Variants in SYT16 observed in about 807,000 individuals in gnomAD.
SYT16 encodes the protein synaptotagmin-16.
Under a neutral mutation model 61.4 loss-of-function variants are expected in SYT16, and 42 were observed. The ratio of observed to expected loss-of-function variants is 0.68; its 90% confidence interval spans 0.53 to 0.89. The LOEUF (loss-of-function observed/expected upper bound fraction) is 0.89, where lower values mean the gene tolerates loss of function less well. SYT16 is among the 40% of genes least tolerant of loss of function. SYT16 has a pLI of 0.00. For synonymous variants in SYT16, 314 were observed against 302.3 expected, an observed-to-expected ratio of 1.04 and a Z score of -0.40; for missense variants, 804 against 807.3, an observed-to-expected ratio of 1.00 and a Z score of 0.05.
chr14:61,907,445 A>G (rs1316432115), intron 1 of SYT16, among the ~76,000 whole-genome samples: 1 of 152,210 alleles, frequency 6.6e-6, no homozygotes, highest in East Asian at 1.9e-4. Context: ...AGGTTTTGGC[A>G]TCAGGCATTT....
At chr14:61,934,482 A>T (rs1025592874) in intron 1 of SYT16, among the ~76,000 whole-genome samples, 2 of 152,238 alleles carry the variant, frequency 1.3e-5, no homozygotes, top group Non-Finnish European at 2.9e-5. Context: ...AGGCACTGTT[A>T]TGCAAAGGAA....
chr14:61,992,356 G>A (rs1343936080), intron 2 of SYT16, among the ~76,000 whole-genome samples: 1 of 152,112 alleles, frequency 6.6e-6, no homozygotes, highest in East Asian at 1.9e-4. Flanking sequence ...GAGTGGTAAG[G>A]AAAGGCTGAG....
At chr14:62,011,250 A>C (rs11158372) in intron 3 of SYT16, among the ~76,000 whole-genome samples, 1 of 151,880 alleles carries the variant, frequency 6.6e-6, no homozygotes, top group Non-Finnish European at 1.5e-5. Context: ...TTTGGGACCC[A>C]GTTTCTCCCC....
chr14:61,854,407 A>G (rs1212791723), intron 1 of SYT16, among the ~76,000 whole-genome samples: 1 of 152,238 alleles, frequency 6.6e-6, no homozygotes, highest in Non-Finnish European at 1.5e-5. Context: ...AACTTTACCT[A>G]GTTTTAATCA....
chr14:61,903,156 C>A (rs1319211101), intron 1 of SYT16, among the ~76,000 whole-genome samples: 1 of 152,116 alleles, frequency 6.6e-6, no homozygotes, highest in African/African-American at 2.4e-5. Flanking sequence ...GGATTAGGGG[C>A]CCATCTTACT....
chr14:61,972,040 C>G (rs1031861388), intron 2 of SYT16, among the ~76,000 whole-genome samples: 1 of 152,172 alleles, frequency 6.6e-6, no homozygotes, highest in Non-Finnish European at 1.5e-5. Flanking sequence ...AATTATGGAA[C>G]CATTATGAAC....
At chr14:61,862,029 A>C (rs1316634098) in intron 1 of SYT16, among the ~76,000 whole-genome samples, 1 of 152,180 alleles carries the variant, frequency 6.6e-6, no homozygotes, top group East Asian at 1.9e-4. Context: ...TTTGTAAAAA[A>C]AACACACACA....
intron 3 of SYT16, among the ~76,000 whole-genome samples, chr14:62,015,132 A>G (rs1056706595): frequency 6.6e-6 from 1 of 152,168 alleles, no homozygotes; most frequent in Admixed American, 6.5e-5. Flanking sequence ...ATGTTCCGAT[A>G]GCATGTTACA....
intron 1 of SYT16, among the ~76,000 whole-genome samples, chr14:61,915,111 C>T (rs1172289976): frequency 6.6e-6 from 1 of 152,048 alleles, no homozygotes; most frequent in Non-Finnish European, 1.5e-5. Flanking sequence ...ATAAATGATA[C>T]CCCTCTTTTT....
chr14:62,090,405 AAGCTCCCT>A (rs2057032906), intron 7 of SYT16, among the ~76,000 whole-genome samples: 1 of 152,212 alleles, frequency 6.6e-6, no homozygotes, highest in Non-Finnish European at 1.5e-5. Context: ...CAAGCAAATC[AAGCTCCCT>A]CATGTTTTGT....
At chr14:61,941,754 C>A (rs2050219426) in intron 1 of SYT16, among the ~76,000 whole-genome samples, 1 of 152,162 alleles carries the variant, frequency 6.6e-6, no homozygotes, top group African/African-American at 2.4e-5. Context: ...ATCGCTATGA[C>A]CATAGGTGCA....
chr14:61,975,706 G>A (rs1157149088), intron 2 of SYT16, among the ~76,000 whole-genome samples: 1 of 152,076 alleles, frequency 6.6e-6, no homozygotes, highest in African/African-American at 2.4e-5. Context: ...GATCCTATTT[G>A]GTTCTTAGGG....
At chr14:61,986,926 A>C (rs900203798) in intron 2 of SYT16, among the ~76,000 whole-genome samples, 2 of 152,178 alleles carry the variant, frequency 1.3e-5, no homozygotes, top group Admixed American at 1.3e-4. Flanking sequence ...GGTGCTGACA[A>C]CATGGCAAAG....
At chr14:62,094,993 T>G (rs59324293) in intron 7 of SYT16, among the ~76,000 whole-genome samples, 4,980 of 152,160 alleles carry the variant, frequency 0.033, 205 homozygotes, top group African/African-American at 0.098. Flanking sequence ...CTCTCTCTCC[T>G]TCCACTTTCC....
At chr14:61,893,071 CAT>C (rs962370003) in intron 1 of SYT16, among the ~76,000 whole-genome samples, 17 of 152,126 alleles carry the variant, frequency 1.1e-4, no homozygotes, top group African/African-American at 9.7e-5. Context: ...TAGCGACACT[CAT>C]GTGGTGTAGA....
intron 1 of SYT16, among the ~76,000 whole-genome samples, chr14:61,841,860 A>G (rs2046310093): frequency 6.6e-6 from 1 of 152,020 alleles, no homozygotes. Flanking sequence ...ATTCTTTTTT[A>G]TGGCTTCATA....
intron 1 of SYT16, among the ~76,000 whole-genome samples, chr14:61,932,282 T>C (rs2140428618): frequency 6.6e-6 from 1 of 152,324 alleles, no homozygotes; most frequent in Admixed American, 6.5e-5. Context: ...CCCCCTTCAG[T>C]GTTTACAGGC....
intron 3 of SYT16, among the ~76,000 whole-genome samples, chr14:62,055,643 A>G (rs2055519333): frequency 6.6e-6 from 1 of 152,190 alleles, no homozygotes; most frequent in African/African-American, 2.4e-5. Flanking sequence ...AGCCCTTGAT[A>G]TAGGGTGGAT....
chr14:62,047,799 C>T (rs1191746345), intron 3 of SYT16, among the ~76,000 whole-genome samples: 2 of 152,118 alleles, frequency 1.3e-5, no homozygotes, highest in African/African-American at 2.4e-5. Context: ...GTATGTTGAA[C>T]CAGCCTTGCA....
Sources: allele counts gnomAD v4.1 joint callset (sites outside exome capture counted in the v4.1 genomes callset), GRCh38; gene constraint gnomAD v4.1.1; transcripts MANE v1.5; gene names NCBI Gene and HGNC (gene_info 2026-07-23, HGNC 2026-07-21).